SH3BGRL2: variants seen among roughly 807,000 people sequenced by gnomAD.
The protein encoded by SH3BGRL2 is SH3 domain binding glutamate rich protein like 2.
A neutral mutation model predicts 14.8 loss-of-function variants in SH3BGRL2; 21 were observed. The ratio of observed to expected loss-of-function variants is 1.42; its 90% confidence interval spans 1.01 to 2.05. The LOEUF (loss-of-function observed/expected upper bound fraction) is 2.05. Ranked by LOEUF, SH3BGRL2 falls within the 30% of genes most tolerant of loss-of-function variation. SH3BGRL2 has a pLI of 0.00. For synonymous variants in SH3BGRL2, 50 were observed against 47.8 expected (o/e 1.05, Z -0.19); for missense variants, 147 against 130.8 (o/e 1.12, Z -0.61).
chr6:79,671,951 G>A (rs564965438), intron 1 of SH3BGRL2, among the ~76,000 whole-genome samples: 78 of 152,290 alleles, frequency 5.1e-4, no homozygotes, highest in Admixed American at 1.3e-3. Flanking sequence ...TGTTATTTGG[G>A]TGATTTGCTA....
intron 3 of SH3BGRL2, among the ~76,000 whole-genome samples, chr6:79,698,715 G>A (rs1036635340): frequency 3.3e-5 from 5 of 151,592 alleles, no homozygotes; most frequent in Non-Finnish European, 7.4e-5. Flanking sequence ...TTTAAAGTAT[G>A]TAAATATTAG....
intron 1 of SH3BGRL2, among the ~76,000 whole-genome samples, chr6:79,649,985 T>TCTCACACACACA (rs765159303): frequency 1.4e-5 from 2 of 141,978 alleles, no homozygotes; most frequent in African/African-American, 2.6e-5. Context: ...TCTCTCTCTC[T>TCTCACACACACA]CACACACACA....
chr6:79,593,741 C>A, the SH3BGRL2 span, among the ~76,000 whole-genome samples: 1 of 152,110 alleles, frequency 6.6e-6, no homozygotes, highest in Non-Finnish European at 1.5e-5. Flanking sequence ...TAAAGTAGTG[C>A]CAATGTATAT....
At chr6:79,575,498 A>G in the SH3BGRL2 span, 15 of 152,152 alleles carry the variant, frequency 9.9e-5, no homozygotes, top group Non-Finnish European at 1.8e-4. Flanking sequence ...TAATGATGCT[A>G]TTTATTCCCA....
the SH3BGRL2 span, among the ~76,000 whole-genome samples, chr6:79,604,066 A>T: frequency 6.6e-6 from 1 of 152,104 alleles, no homozygotes; most frequent in Admixed American, 6.5e-5. Context: ...CGGCCTCCCA[A>T]AGTGCTGGGA....
the SH3BGRL2 span, among the ~76,000 whole-genome samples, chr6:79,588,190 G>C: frequency 6.6e-6 from 1 of 151,810 alleles, no homozygotes; most frequent in African/African-American, 2.4e-5. Flanking sequence ...CTACTCGGGA[G>C]GCTGAGGCAG....
intron 1 of SH3BGRL2, among the ~76,000 whole-genome samples, chr6:79,649,486 A>G (rs1249934591): frequency 6.6e-6 from 1 of 152,172 alleles, no homozygotes; most frequent in Non-Finnish European, 1.5e-5. Flanking sequence ...TTCCAATTCC[A>G]GGAGAAAGTA....
chr6:79,685,380 A>G (rs1187304863), intron 2 of SH3BGRL2, among the ~76,000 whole-genome samples: 1 of 152,146 alleles, frequency 6.6e-6, no homozygotes, highest in African/African-American at 2.4e-5. Flanking sequence ...CACTTTGGAC[A>G]CCAAAAGTTG....
chr6:79,608,500 A>T, the SH3BGRL2 span, among the ~76,000 whole-genome samples: 45 of 152,166 alleles, frequency 3.0e-4, no homozygotes, highest in African/African-American at 1.0e-3. Flanking sequence ...TGTTTAACTC[A>T]CTGTGTCGTA....
chr6:79,557,346 C>G, the SH3BGRL2 span, among the ~76,000 whole-genome samples: 1 of 151,816 alleles, frequency 6.6e-6, no homozygotes, highest in South Asian at 2.1e-4. Flanking sequence ...AATATTAATA[C>G]CTATCTGTAA....
intron 1 of SH3BGRL2, among the ~76,000 whole-genome samples, chr6:79,634,637 C>T (rs1304082850): frequency 6.6e-6 from 1 of 152,108 alleles, no homozygotes; most frequent in Admixed American, 6.5e-5. Context: ...TGCTGCTTGC[C>T]TAGCTCTGTC....
intron 1 of SH3BGRL2, among the ~76,000 whole-genome samples, chr6:79,657,915 A>T (rs1425925092): frequency 6.6e-6 from 1 of 152,252 alleles, no homozygotes; most frequent in African/African-American, 2.4e-5. Flanking sequence ...TGACTAACCT[A>T]TTCTGAAAAT....
intron 2 of SH3BGRL2, among the ~76,000 whole-genome samples, chr6:79,685,473 C>G (rs1374834247): frequency 6.6e-6 from 1 of 152,084 alleles, no homozygotes; most frequent in African/African-American, 2.4e-5. Context: ...TGTCATTTTT[C>G]TAAGTTCTTG....
At chr6:79,651,016 T>C (rs1264024075) in intron 1 of SH3BGRL2, among the ~76,000 whole-genome samples, 1 of 151,882 alleles carries the variant, frequency 6.6e-6, no homozygotes, top group Non-Finnish European at 1.5e-5. Flanking sequence ...ATTTTTCAAA[T>C]GTAAATAGAA....
chr6:79,615,574 A>T, the SH3BGRL2 span, among the ~76,000 whole-genome samples: 1 of 152,186 alleles, frequency 6.6e-6, no homozygotes, highest in South Asian at 2.1e-4. Flanking sequence ...TACCTCCCTC[A>T]TAGAGTTGCT....
the SH3BGRL2 span, among the ~76,000 whole-genome samples, chr6:79,565,652 C>T: frequency 6.6e-6 from 1 of 152,064 alleles, no homozygotes; most frequent in African/African-American, 2.4e-5. Context: ...TATCCCAGTC[C>T]CAACACATTG....
At chr6:79,675,321 C>T (rs1461084835) in intron 2 of SH3BGRL2, among the ~76,000 whole-genome samples, 2 of 152,094 alleles carry the variant, frequency 1.3e-5, no homozygotes. Flanking sequence ...TTCGCTGCTA[C>T]GATTGAGATG....
intron 1 of SH3BGRL2, among the ~76,000 whole-genome samples, chr6:79,638,207 A>C (rs1380642662): frequency 6.6e-6 from 1 of 152,188 alleles, no homozygotes; most frequent in Non-Finnish European, 1.5e-5. Flanking sequence ...AGTTGAGAAC[A>C]TGTATTTATC....
chr6:79,543,986 C>G, the SH3BGRL2 span, among the ~76,000 whole-genome samples: 2 of 152,000 alleles, frequency 1.3e-5, no homozygotes, highest in Non-Finnish European at 2.9e-5. Flanking sequence ...GAATTAGAAC[C>G]CTAACAACTC....
Sources: allele counts gnomAD v4.1 joint callset (sites outside exome capture counted in the v4.1 genomes callset), GRCh38; gene constraint gnomAD v4.1.1; transcripts MANE v1.5; gene names NCBI Gene and HGNC (gene_info 2026-07-23, HGNC 2026-07-21).